Variants in FBXL5 observed in about 807,000 individuals in gnomAD.
FBXL5 encodes the protein F-box and leucine rich repeat protein 5.
A neutral mutation model predicts 78.3 loss-of-function variants in FBXL5; 26 were observed. The observed-to-expected ratio is 0.33, with a 90% confidence interval of 0.24 to 0.46. FBXL5 has a LOEUF of 0.46. Ranked by LOEUF, FBXL5 falls within the 20% of genes least tolerant of loss-of-function variation. FBXL5 has a pLI of 1.00. For synonymous variants in FBXL5, 295 were observed against 282.5 expected (o/e 1.04, Z -0.45); for missense variants, 710 against 829.2 (o/e 0.86, Z 1.77).
At chr4:15,667,433 A>G (rs995161029) in intron 1 of FBXL5, among the ~76,000 whole-genome samples, 2 of 152,174 alleles carry the variant, frequency 1.3e-5, no homozygotes, top group African/African-American at 4.8e-5. Context: ...TTTCATCCAA[A>G]TGAGACTAAG....
intron 1 of FBXL5, among the ~76,000 whole-genome samples, chr4:15,669,617 C>G (rs925647565): frequency 1.3e-5 from 2 of 152,122 alleles, no homozygotes; most frequent in Non-Finnish European, 2.9e-5. Context: ...TTACCCAATA[C>G]TTGGCTTCAA....
intron 9 of FBXL5, among the ~76,000 whole-genome samples, chr4:15,618,932 G>GCAAAGGCAGGTGGAC (rs370061144): frequency 0.75 from 114,731 of 151,976 alleles, 43,569 homozygotes; most frequent in East Asian, 0.91. Context: ...CACTTTGGGA[G>GCAAAGGCAGGTGGAC]TGCTTGAGCC....
intron 2 of FBXL5, among the ~76,000 whole-genome samples, chr4:15,643,785 C>T (rs1715121671): frequency 6.6e-6 from 1 of 152,124 alleles, no homozygotes; most frequent in Admixed American, 6.5e-5. Context: ...ATAATTATAC[C>T]TTTGGTCACC....
In FBXL5 at chr4:15,641,026, TA is replaced by T. The variant is rs1714816335; in HGVS notation, c.301-144del. ...CAAAGTGGTCTCTGTACTTTTAACA[TA>T]AAAGATACCCATAAAACAGTAAGCT... On this transcript the variant is annotated intron_variant, in intron 2 of 10. Coordinates refer to ENST00000341285, the MANE Select transcript of FBXL5 (RefSeq NM_012161.4). 1.0e-5 allele frequency: 5 copies of T among 485,154 alleles called. No individual in the cohort carries two copies. In the Admixed American group the frequency reaches 1.3e-4, roughly 12 times the overall value. 30.1% of individuals were successfully genotyped at this position (485,154 alleles called of 1,614,324 possible). A position where few individuals can be genotyped will look rare whatever the true frequency, so the allele number is the denominator to read the frequency against.
At chr4:15,659,627 C>A (rs1398555452), upstream of FBXL5, 11 of 380,818 alleles carry the variant, frequency 2.9e-5, no homozygotes, top group African/African-American at 1.7e-4. Flanking sequence ...CATTTTAAAT[C>A]TGGAGATATA....
At chr4:15,640,373 A>G (rs908366373) in intron 3 of FBXL5, among the ~76,000 whole-genome samples, 1 of 148,364 alleles carries the variant, frequency 6.7e-6, no homozygotes, top group African/African-American at 2.5e-5. Context: ...GCCACCATTT[A>G]AATACTAAAC....
At position 15,627,712 on chromosome 4, in the gene FBXL5, G is replaced by A. The variant is rs917031084; in HGVS notation, c.1041+173C>T. 9.9e-5 allele frequency among the ~76,000 whole-genome samples: 15 copies of A among 152,132 alleles called. No homozygotes were observed. The East Asian group carries it at 1.2e-3, about 12-fold the overall frequency. On this transcript the variant is annotated intron_variant, in intron 7 of 10. Coordinates refer to ENST00000341285, the MANE Select transcript of FBXL5 (RefSeq NM_012161.4). ...TGATAATTATGCTACAAAGATTGTTGTGAGAACTGCAATGAAATAATAAGT... is the reference window on the plus strand; with the variant it reads ...TGATAATTATGCTACAAAGATTGTTATGAGAACTGCAATGAAATAATAAGT...
At chr4:15,615,394 G>A (rs898132752) in intron 9 of FBXL5, among the ~76,000 whole-genome samples, 9 of 151,856 alleles carry the variant, frequency 5.9e-5, no homozygotes, top group Non-Finnish European at 1.2e-4. Context: ...TGGTGGGGAC[G>A]TGGAGAGTCT....
chr4:15,679,586 C>T (rs375433786), intron 1 of FBXL5, among the ~76,000 whole-genome samples: 1 of 142,650 alleles, frequency 7.0e-6, no homozygotes, highest in Non-Finnish European at 1.5e-5. Flanking sequence ...AACAAAAAAA[C>T]AAAAAACCAA....
chr4:15,609,980 G>A (rs1437601111), intron 10 of FBXL5, among the ~76,000 whole-genome samples: 1 of 151,846 alleles, frequency 6.6e-6, no homozygotes, highest in Admixed American at 6.6e-5. Context: ...AACTATATAT[G>A]TTTTCTTTTA....
chr4:15,641,017 C>T (rs1286516122), intron 2 of FBXL5, 134 bp from the exon 3 acceptor site: 2 of 491,856 alleles, frequency 4.1e-6, no homozygotes, highest in East Asian at 3.5e-5. Flanking sequence ...GGTCTCTGTA[C>T]TTTTAACATA....
chr4:15,633,346 GCAAA>G (rs1713893358), intron 5 of FBXL5, among the ~76,000 whole-genome samples: 1 of 152,100 alleles, frequency 6.6e-6, no homozygotes, highest in Non-Finnish European at 1.5e-5. Context: ...ATCACGATGA[GCAAA>G]CAATTTCCCC....
chr4:15,612,254 A>G lies in FBXL5; in HGVS notation c.1999+12T>C, dbSNP rs908911458. On this transcript the variant is annotated intron_variant, in intron 10 of 10. Coordinates refer to ENST00000341285, the MANE Select transcript of FBXL5 (RefSeq NM_012161.4). ...ATTCCTTCAAAATTATCGCACTGTT[A>G]AAAGGCATTACCGTTAATGTTGTCA... The G allele has an allele frequency of 1.3e-6, 2 of 1,554,878 alleles. No individual in the cohort carries two copies. The highest frequency in any genetic ancestry group is 4.2e-5 in the Admixed American group (2 of 47,962).
chr4:15,626,794 T>G (rs1425974955), intron 8 of FBXL5, 79 bp downstream of exon 8: 1 of 1,004,462 alleles, frequency 1.0e-6, no homozygotes, highest in East Asian at 2.6e-5. Context: ...AAAATAATAG[T>G]ATGATTAAAC....
upstream of FBXL5, among the ~76,000 whole-genome samples, chr4:15,662,912 G>A (rs1789): frequency 0.63 from 95,224 of 151,992 alleles, 29,934 homozygotes; most frequent in Non-Finnish European, 0.65. Context: ...ATCTTTGTCA[G>A]AATAATCTTT....
chr4:15,647,230 A>C (rs1715461208), intron 1 of FBXL5, among the ~76,000 whole-genome samples: 1 of 138,230 alleles, frequency 7.2e-6, no homozygotes, highest in Non-Finnish European at 1.5e-5. Context: ...CTCAAAAAAA[A>C]AAAAAAAAAA....
At chr4:15,630,378 T>A (rs1215470205) in intron 6 of FBXL5, among the ~76,000 whole-genome samples, 1 of 152,174 alleles carries the variant, frequency 6.6e-6, no homozygotes, top group Non-Finnish European at 1.5e-5. Flanking sequence ...CATTGTAAAC[T>A]ACAAAGCACT....
At chr4:15,633,025 G>C (rs1222643680) in intron 5 of FBXL5, among the ~76,000 whole-genome samples, 3 of 152,042 alleles carry the variant, frequency 2.0e-5, no homozygotes, top group Admixed American at 6.6e-5. Flanking sequence ...CCAGGCAATG[G>C]GCAATTTTTT....
At chr4:15,651,079 T>A (rs769253446) in intron 1 of FBXL5, among the ~76,000 whole-genome samples, 3 of 152,186 alleles carry the variant, frequency 2.0e-5, no homozygotes, top group Non-Finnish European at 4.4e-5. Context: ...AAAACACATA[T>A]ATTATTCCCC....
Sources: allele counts gnomAD v4.1 joint callset (sites outside exome capture counted in the v4.1 genomes callset), GRCh38; gene constraint gnomAD v4.1.1; transcripts MANE v1.5; gene names NCBI Gene and HGNC (gene_info 2026-07-23, HGNC 2026-07-21).